Variants in OR2L13 observed in about 807,000 individuals in gnomAD.
OR2L13 encodes the protein olfactory receptor family 2 subfamily L member 13, also known as olfactory receptor 2L13.
A neutral mutation model predicts 15.3 loss-of-function variants in OR2L13; 14 were observed. The observed-to-expected ratio is 0.91, with a 90% confidence interval of 0.60 to 1.43. The LOEUF (loss-of-function observed/expected upper bound fraction) is 1.43. Among genes scored for constraint, OR2L13 ranks in the 40% most tolerant of loss-of-function variants. The pLI is 0.00. For missense variants in OR2L13, 367 were observed against 387.9 expected (o/e 0.95, Z 0.45); for synonymous variants, 152 against 142.9 (o/e 1.06, Z -0.45).
At chr1:248,049,243 T>C in the OR2L13 span, among the ~76,000 whole-genome samples, 1 of 152,270 alleles carries the variant, frequency 6.6e-6, no homozygotes, top group Non-Finnish European at 1.5e-5. Flanking sequence ...ATCTTTGTCT[T>C]CTCTGAGTAT....
At chr1:248,013,301 A>G in the OR2L13 span, among the ~76,000 whole-genome samples, 1 of 152,176 alleles carries the variant, frequency 6.6e-6, no homozygotes, top group Non-Finnish European at 1.5e-5. Context: ...TTCATAAAGT[A>G]TTAGAGACAC....
chr1:248,048,630 C>T, the OR2L13 span, among the ~76,000 whole-genome samples: 1 of 152,266 alleles, frequency 6.6e-6, no homozygotes, highest in Admixed American at 6.5e-5. Flanking sequence ...CTCATGGAGT[C>T]AATGAGTTCT....
the OR2L13 span, among the ~76,000 whole-genome samples, chr1:247,956,213 T>C: frequency 6.6e-6 from 1 of 152,074 alleles, no homozygotes; most frequent in Non-Finnish European, 1.5e-5. Flanking sequence ...CCTTTCCCCA[T>C]TGCTTGTTTT....
chr1:248,075,776 G>A, the OR2L13 span, among the ~76,000 whole-genome samples: 1 of 152,126 alleles, frequency 6.6e-6, no homozygotes, highest in Admixed American at 6.5e-5. Flanking sequence ...TGGGTAGATT[G>A]CAAAAATTTT....
chr1:248,098,657 T>C (rs1312452265), exon 2 of OR2L13: 1 of 152,142 alleles, frequency 6.6e-6, no homozygotes, highest in Non-Finnish European at 1.5e-5. Context: ...ACAGCAAAAG[T>C]TGAAAAATCA....
At chr1:248,100,672 C>T (rs1168025115) in exon 3 of OR2L13, 1 of 170,522 alleles carries the variant, frequency 5.9e-6, no homozygotes, top group East Asian at 1.9e-4. Context: ...ACTCTGTTTG[C>T]ATTCTAAGTC....
chr1:248,036,424 CT>C, the OR2L13 span, among the ~76,000 whole-genome samples: 23 of 152,142 alleles, frequency 1.5e-4, no homozygotes, highest in Middle Eastern at 6.8e-3. Flanking sequence ...ATCTTCATTC[CT>C]GAAAATAGGA....
chr1:247,959,285 G>T, the OR2L13 span, among the ~76,000 whole-genome samples: 121,377 of 152,024 alleles, frequency 0.8, 52,641 homozygotes, highest in South Asian at 0.95. Context: ...CTCTCTTCTG[G>T]CTTGTAGAGT....
At chr1:248,056,641 A>AT in the OR2L13 span, among the ~76,000 whole-genome samples, 1 of 133,486 alleles carries the variant, frequency 7.5e-6, no homozygotes, top group Admixed American at 7.5e-5. Flanking sequence ...AGGTTGTTCT[A>AT]TTTCCCTGTA....
the OR2L13 span, among the ~76,000 whole-genome samples, chr1:248,057,596 T>G: frequency 6.6e-6 from 1 of 152,172 alleles, no homozygotes; most frequent in East Asian, 1.9e-4. Flanking sequence ...TGTTGACATC[T>G]TAACAGTATT....
the OR2L13 span, among the ~76,000 whole-genome samples, chr1:248,078,398 A>G: frequency 6.6e-6 from 1 of 152,078 alleles, no homozygotes; most frequent in East Asian, 1.9e-4. Flanking sequence ...ACTTGAAACC[A>G]GGAGGCGGAA....
the OR2L13 span, among the ~76,000 whole-genome samples, chr1:248,075,697 G>T: frequency 3.3e-5 from 5 of 152,102 alleles, no homozygotes; most frequent in Non-Finnish European, 5.9e-5. Flanking sequence ...TTTTGATGAG[G>T]TTGTTTGTTT....
chr1:248,082,070 T>G, the OR2L13 span, among the ~76,000 whole-genome samples: 12 of 150,754 alleles, frequency 8.0e-5, no homozygotes, highest in Admixed American at 2.6e-4. Context: ...TTATTCACAA[T>G]AGCAAAGACT....
At chr1:248,099,536 T>C in exon 3 of OR2L13, 1 of 1,614,108 alleles carries the variant, frequency 6.2e-7, no homozygotes, top group Non-Finnish European at 8.5e-7. Context: ...GATCCTCGTC[T>C]CCACACACCG....
At chr1:247,985,172 T>C in the OR2L13 span, among the ~76,000 whole-genome samples, 3 of 152,174 alleles carry the variant, frequency 2.0e-5, no homozygotes, top group Admixed American at 6.5e-5. Context: ...TACATATGTA[T>C]ACATGTGCCA....
chr1:248,051,177 CT>C, the OR2L13 span: 2 of 150,008 alleles, frequency 1.3e-5, no homozygotes, highest in Non-Finnish European at 3.0e-5. Context: ...TTCCCTTCCC[CT>C]ATCCTCCAGG....
At chr1:248,056,522 C>G in the OR2L13 span, among the ~76,000 whole-genome samples, 1 of 152,068 alleles carries the variant, frequency 6.6e-6, no homozygotes, top group African/African-American at 2.4e-5. Context: ...ACACTGATTT[C>G]TCTGCATCCC....
exon 3 of OR2L13, chr1:248,099,744 G>A (rs1664812538): frequency 6.2e-7 from 1 of 1,614,056 alleles, no homozygotes. Flanking sequence ...ACCGTTATTT[G>A]GCCATCTGCC....
chr1:248,007,895 A>G, the OR2L13 span, among the ~76,000 whole-genome samples: 1 of 152,210 alleles, frequency 6.6e-6, no homozygotes, highest in Non-Finnish European at 1.5e-5. Context: ...ATTTCTCGTT[A>G]GAACAAGTTG....
Sources: allele counts gnomAD v4.1 joint callset (sites outside exome capture counted in the v4.1 genomes callset), GRCh38; gene constraint gnomAD v4.1.1; transcripts MANE v1.5; gene names NCBI Gene and HGNC (gene_info 2026-07-23, HGNC 2026-07-21).